RAB3B: variants seen among roughly 807,000 people sequenced by gnomAD.
RAB3B encodes the protein ras-related protein Rab-3B.
A neutral mutation model predicts 20.5 loss-of-function variants in RAB3B; 11 were observed. That is an observed-to-expected ratio of 0.54 (90% confidence interval 0.34 to 0.89). The LOEUF is 0.89. RAB3B is among the 40% of genes least tolerant of loss of function. The pLI, the probability that RAB3B is intolerant of heterozygous loss-of-function variation, is 0.02. For missense variants in RAB3B, 225 were observed against 280.9 expected (o/e 0.80, Z 1.42); for synonymous variants, 99 against 106.3 (o/e 0.93, Z 0.42).
At chr1:51,948,583 T>C (rs1684593672) in intron 2 of RAB3B, among the ~76,000 whole-genome samples, 1 of 152,122 alleles carries the variant, frequency 6.6e-6, no homozygotes, top group South Asian at 2.1e-4. Flanking sequence ...TAAACATGTA[T>C]TGGGTGGGGG....
At chr1:51,960,812 G>A (rs528052345) in intron 2 of RAB3B, among the ~76,000 whole-genome samples, 1 of 152,300 alleles carries the variant, frequency 6.6e-6, no homozygotes, top group East Asian at 1.9e-4. Context: ...CAATCTTAAA[G>A]TGGTGGTAAC....
At chr1:51,940,080 T>C (rs1248908069) in intron 2 of RAB3B, among the ~76,000 whole-genome samples, 1 of 152,228 alleles carries the variant, frequency 6.6e-6, no homozygotes, top group Non-Finnish European at 1.5e-5. Context: ...GGAGAATATA[T>C]GTTGTTACTC....
chr1:51,953,554 A>G (rs1557970574), intron 2 of RAB3B, among the ~76,000 whole-genome samples: 1 of 152,264 alleles, frequency 6.6e-6, no homozygotes, highest in East Asian at 1.9e-4. Flanking sequence ...CTGTAATCCC[A>G]GCACTTTGGG....
At chr1:51,927,167 C>T (rs1684256098) in intron 4 of RAB3B, among the ~76,000 whole-genome samples, 1 of 152,190 alleles carries the variant, frequency 6.6e-6, no homozygotes, top group East Asian at 1.9e-4. Context: ...CACACACACA[C>T]ACACAGATTT....
At chr1:51,964,074 G>C (rs1009908647) in intron 2 of RAB3B, among the ~76,000 whole-genome samples, 2 of 151,970 alleles carry the variant, frequency 1.3e-5, no homozygotes, top group African/African-American at 4.8e-5. Context: ...CTTTTCTTTA[G>C]AGCAAACATC....
chr1:51,985,307 C>T (rs1308880756), intron 1 of RAB3B, among the ~76,000 whole-genome samples: 3 of 152,284 alleles, frequency 2.0e-5, no homozygotes, highest in East Asian at 3.9e-4. Flanking sequence ...CTTCTGGATT[C>T]AAGGGGGCTT....
intron 2 of RAB3B, among the ~76,000 whole-genome samples, chr1:51,938,395 G>T (rs1214335396): frequency 6.6e-6 from 1 of 151,992 alleles, no homozygotes; most frequent in African/African-American, 2.4e-5. Context: ...AGACAAATAT[G>T]TATGTACAAA....
chr1:51,949,852 G>A (rs1468833793), intron 2 of RAB3B, among the ~76,000 whole-genome samples: 1 of 152,234 alleles, frequency 6.6e-6, no homozygotes, highest in Admixed American at 6.5e-5. Context: ...GGGGGCCACA[G>A]TGCCACAGCC....
At chr1:51,943,424 C>CA (rs1421682218) in intron 2 of RAB3B, among the ~76,000 whole-genome samples, 136 of 24,974 alleles carry the variant, frequency 5.4e-3, no homozygotes, top group Admixed American at 0.012. Flanking sequence ...ACAACAACAA[C>CA]ACCACAATGG....
At chr1:51,955,287 C>T (rs1468227417) in intron 2 of RAB3B, among the ~76,000 whole-genome samples, 2 of 152,194 alleles carry the variant, frequency 1.3e-5, no homozygotes, top group Non-Finnish European at 2.9e-5. Context: ...GAGCCAACAC[C>T]ATAGCCGATG....
At chr1:51,969,418 AG>A (rs199792077) in intron 2 of RAB3B, among the ~76,000 whole-genome samples, 1,797 of 152,312 alleles carry the variant, frequency 0.012, 53 homozygotes, top group African/African-American at 0.041. Context: ...GGAATGCTTT[AG>A]GCCTTAAATA....
intron 1 of RAB3B, 121 bp from the exon 2 acceptor site, chr1:51,977,238 A>G: frequency 1.4e-6 from 1 of 716,684 alleles, no homozygotes; most frequent in South Asian, 1.7e-5. Flanking sequence ...CACTGAGGAA[A>G]TGCACACTAC....
At chr1:51,978,612 TTTAA>T (rs1419021369) in intron 1 of RAB3B, among the ~76,000 whole-genome samples, 1 of 152,224 alleles carries the variant, frequency 6.6e-6, no homozygotes, top group Non-Finnish European at 1.5e-5. Context: ...TATTTAAGTC[TTTAA>T]TTGCTTCTCC....
chr1:51,967,885 A>G (rs1432593678), intron 2 of RAB3B, among the ~76,000 whole-genome samples: 6 of 152,142 alleles, frequency 3.9e-5, no homozygotes, highest in Non-Finnish European at 7.4e-5. Context: ...TATAATCCCT[A>G]AAATCTGTGA....
rs568691541 is a variant in RAB3B at position 51,966,723 on chromosome 1, C to T, written c.228+10167G>A. 2.0e-5 allele frequency among the ~76,000 whole-genome samples: 3 copies of T among 152,242 alleles called. No individual in the cohort carries two copies. The South Asian group carries it at 6.2e-4, about 32-fold the overall frequency. On this transcript the variant is annotated intron_variant, in intron 2 of 4. Transcript: ENST00000371655. ...TGCAGCCACACCAGGAAACTTGCTGCCTAGAAAAATCAATTCTGATTATCA... is the reference window on the plus strand; with the variant it reads ...TGCAGCCACACCAGGAAACTTGCTGTCTAGAAAAATCAATTCTGATTATCA...
At chr1:51,989,257 T>TGTGC (rs1557980860) in intron 1 of RAB3B, among the ~76,000 whole-genome samples, 1 of 143,392 alleles carries the variant, frequency 7.0e-6, no homozygotes, top group Admixed American at 7.0e-5. Flanking sequence ...TGTGTGTGTG[T>TGTGC]TTTGAGGGCC....
At position 51,911,142 on chromosome 1, in the gene RAB3B, C is replaced by T. The variant is rs1352798461; in HGVS notation, c.*8785G>A. 1 of 152,126 alleles carries T rather than the reference C, an allele frequency of 6.6e-6. No homozygotes were observed. Among genetic ancestry groups the T allele is most frequent in the African/African-American group, 2.4e-5 (1 of 41,434 alleles). The allele number at this position is 152,126 out of a possible 1,614,324, so 9.4% of individuals were successfully genotyped here. On this transcript the variant is annotated 3_prime_UTR_variant, in exon 5 of 5. Transcript: ENST00000371655. ...GCAGTGGAGTTAGCTGTTTTGTCTA[C>T]CTGCTGGATACCTGGGAAGCCAGAC... is the stretch of plus-strand genomic sequence containing the variant.
intron 2 of RAB3B, among the ~76,000 whole-genome samples, chr1:51,970,594 C>G (rs1325707818): frequency 6.6e-6 from 1 of 152,068 alleles, no homozygotes; most frequent in Non-Finnish European, 1.5e-5. Context: ...CTTCTTGTGT[C>G]TGGAATCCCC....
At chr1:51,981,564 T>C (rs1571981720) in intron 1 of RAB3B, among the ~76,000 whole-genome samples, 2 of 152,238 alleles carry the variant, frequency 1.3e-5, no homozygotes, top group East Asian at 3.8e-4. Flanking sequence ...GTCTATACCT[T>C]CTATGCATAT....
Sources: allele counts gnomAD v4.1 joint callset (sites outside exome capture counted in the v4.1 genomes callset), GRCh38; gene constraint gnomAD v4.1.1; transcripts MANE v1.5; gene names NCBI Gene and HGNC (gene_info 2026-07-23, HGNC 2026-07-21).